The following SLC24A3 variants were observed in gnomAD, a reference collection of about 807,000 sequenced individuals.
SLC24A3 encodes the protein sodium/potassium/calcium exchanger 3.
Under a neutral mutation model 75.8 loss-of-function variants are expected in SLC24A3, and 28 were observed. The ratio of observed to expected loss-of-function variants is 0.37; its 90% CI spans 0.27 to 0.51. The LOEUF is 0.51. Among genes scored for constraint, SLC24A3 ranks in the 20% least tolerant of loss-of-function variants. The pLI, the probability that SLC24A3 is intolerant of heterozygous loss-of-function variation, is 0.94. For missense variants in SLC24A3, 663 were observed against 847.8 expected (o/e 0.78, Z 2.71); for synonymous variants, 372 against 334.1 (o/e 1.11, Z -1.24).
chr20:19,291,883 G>C (rs1340516360), intron 2 of SLC24A3, among the ~76,000 whole-genome samples: 1 of 152,234 alleles, frequency 6.6e-6, no homozygotes, highest in Non-Finnish European at 1.5e-5. Flanking sequence ...AGGAGCAGAG[G>C]ACTGGGTCCA....
chr20:19,339,995 C>G, intron 2 of SLC24A3, among the ~76,000 whole-genome samples: 1 of 152,138 alleles, frequency 6.6e-6, no homozygotes, highest in South Asian at 2.1e-4. Context: ...TCTTCTGTCT[C>G]TGGGACTTGG....
intron 2 of SLC24A3, among the ~76,000 whole-genome samples, chr20:19,351,492 C>T (rs1049694768): frequency 2.0e-5 from 3 of 152,156 alleles, no homozygotes; most frequent in African/African-American, 4.8e-5. Context: ...TCCTGGCCTG[C>T]GAGTCAACTT....
chr20:19,360,280 G>A (rs530327118), intron 2 of SLC24A3, among the ~76,000 whole-genome samples: 1 of 152,200 alleles, frequency 6.6e-6, no homozygotes, highest in Non-Finnish European at 1.5e-5. Context: ...TCCTGTCGAT[G>A]TCTGTACAAG....
chr20:19,387,176 G>T (rs775005565), intron 2 of SLC24A3, among the ~76,000 whole-genome samples: 8 of 151,880 alleles, frequency 5.3e-5, no homozygotes, highest in Non-Finnish European at 1.2e-4. Context: ...TATTTCTGTA[G>T]AATCTATTGT....
intron 15 of SLC24A3, among the ~76,000 whole-genome samples, chr20:19,709,478 C>T (rs903294160): frequency 2.0e-5 from 3 of 151,980 alleles, no homozygotes; most frequent in Non-Finnish European, 4.4e-5. Flanking sequence ...AAAAATTAGC[C>T]GAGCGTGGTG....
chr20:19,307,828 C>T (rs1984367281), intron 2 of SLC24A3, among the ~76,000 whole-genome samples: 1 of 152,032 alleles, frequency 6.6e-6, no homozygotes, highest in Non-Finnish European at 1.5e-5. Flanking sequence ...TTTGTAAAGC[C>T]CTTTACACAG....
intron 1 of SLC24A3, among the ~76,000 whole-genome samples, chr20:19,214,084 A>G (rs1981485041): frequency 6.6e-6 from 1 of 152,248 alleles, no homozygotes; most frequent in African/African-American, 2.4e-5. Context: ...CAAAGGTGCC[A>G]TGAATTTAAA....
At chr20:19,546,199 G>C (rs1378335181) in intron 3 of SLC24A3, among the ~76,000 whole-genome samples, 1 of 100,678 alleles carries the variant, frequency 9.9e-6, no homozygotes, top group African/African-American at 3.5e-5. Flanking sequence ...CCAGGTAATC[G>C]ACCTGAGCCT....
chr20:19,587,075 A>G (rs1333197772), intron 6 of SLC24A3, among the ~76,000 whole-genome samples: 2 of 152,208 alleles, frequency 1.3e-5, no homozygotes, highest in African/African-American at 2.4e-5. Flanking sequence ...TGCACCCAGC[A>G]GAAGAGTCTG....
chr20:19,536,970 T>C (rs1203680112), intron 3 of SLC24A3, among the ~76,000 whole-genome samples: 1 of 152,144 alleles, frequency 6.6e-6, no homozygotes, highest in African/African-American at 2.4e-5. Flanking sequence ...GCATGGGCAA[T>C]GACTTCATGT....
chr20:19,275,683 T>TGA (rs928289197), intron 1 of SLC24A3, among the ~76,000 whole-genome samples: 4 of 151,992 alleles, frequency 2.6e-5, no homozygotes, highest in African/African-American at 4.8e-5. Flanking sequence ...CACAAAAGGG[T>TGA]GAGCACACAG....
chr20:19,449,582 G>T (rs1472645211), intron 2 of SLC24A3, among the ~76,000 whole-genome samples: 1 of 152,236 alleles, frequency 6.6e-6, no homozygotes, highest in African/African-American at 2.4e-5. Flanking sequence ...TGGCTCTTGA[G>T]CTAGGGTCCT....
chr20:19,454,785 G>C (rs1251738860), intron 2 of SLC24A3, among the ~76,000 whole-genome samples: 1 of 152,208 alleles, frequency 6.6e-6, no homozygotes, highest in Non-Finnish European at 1.5e-5. Flanking sequence ...TAAATGCAAA[G>C]TCCCTCATGT....
intron 3 of SLC24A3, among the ~76,000 whole-genome samples, chr20:19,536,106 C>G (rs1204165107): frequency 6.6e-6 from 1 of 152,140 alleles, no homozygotes; most frequent in East Asian, 1.9e-4. Flanking sequence ...CTCAAATCAC[C>G]TCAGGGAGAG....
At chr20:19,617,808 G>A (rs1368254375) in intron 6 of SLC24A3, among the ~76,000 whole-genome samples, 6 of 152,056 alleles carry the variant, frequency 3.9e-5, no homozygotes, top group African/African-American at 1.4e-4. Context: ...AAAGAATAGT[G>A]GTGTCCCAGC....
intron 1 of SLC24A3, among the ~76,000 whole-genome samples, chr20:19,241,213 G>T (rs1982317347): frequency 6.6e-6 from 1 of 152,248 alleles, no homozygotes; most frequent in Non-Finnish European, 1.5e-5. Flanking sequence ...CACGGACGGG[G>T]TTATCCAGAG....
At chr20:19,464,374 C>T (rs753393581) in intron 2 of SLC24A3, among the ~76,000 whole-genome samples, 9 of 141,142 alleles carry the variant, frequency 6.4e-5, no homozygotes, top group Non-Finnish European at 7.9e-5. Flanking sequence ...CACACACATA[C>T]GTGCGCACAC....
At chr20:19,352,340 G>A (rs917558835) in intron 2 of SLC24A3, among the ~76,000 whole-genome samples, 1 of 152,126 alleles carries the variant, frequency 6.6e-6, no homozygotes, top group Non-Finnish European at 1.5e-5. Flanking sequence ...TGCACTCACA[G>A]TAGCTGGCAC....
rs2277866 is a variant in SLC24A3 at position 19,721,299 on chromosome 20, A to C, written c.*159A>C. 0.82 allele frequency: 700,533 copies of C among 852,746 alleles called. 289,114 individuals carry two copies. The highest frequency in any genetic ancestry group is 0.96 in the East Asian group (36,065 of 37,584). The allele number at this position is 852,746 out of a possible 1,614,324, so 52.8% of individuals were successfully genotyped here. On this transcript the variant is annotated 3_prime_UTR_variant, in exon 17 of 17. Coordinates refer to ENST00000328041, the MANE Select transcript of SLC24A3 (RefSeq NM_020689.4). ...TTTTGGTGGCCCAGGCTCTCCCCTG[A>C]CCCATCCTCGCTCCCCCACCTCCTT...
Sources: gnomAD v4.1 joint callset for allele counts (sites outside exome capture counted in the v4.1 genomes callset) on GRCh38, gnomAD v4.1.1 for gene constraint, MANE v1.5 for transcripts, NCBI Gene and HGNC (gene_info 2026-07-23, HGNC 2026-07-21) for gene names.